Variants in NFIA observed in about 807,000 individuals in gnomAD.
The protein encoded by NFIA is nuclear factor I A.
Under a neutral mutation model 62.8 loss-of-function variants are expected in NFIA, and 8 were observed. The observed-to-expected ratio is 0.13, with a 90% CI of 0.07 to 0.23. The LOEUF (loss-of-function observed/expected upper bound fraction) is 0.23, where lower values mean the gene tolerates loss of function less well. Among genes scored for constraint, NFIA ranks in the 10% least tolerant of loss-of-function variants. The pLI, the probability that NFIA is intolerant of heterozygous loss-of-function variation, is 1.00. For missense variants in NFIA, 410 were observed against 642.1 expected (o/e 0.64, Z 3.91); for synonymous variants, 235 against 238.1 (o/e 0.99, Z 0.12).
intron 2 of NFIA, among the ~76,000 whole-genome samples, chr1:61,200,804 T>C (rs1395456871): frequency 1.3e-5 from 2 of 152,146 alleles, no homozygotes; most frequent in African/African-American, 4.8e-5. Flanking sequence ...ATTTTAACAA[T>C]GTGTATAATG....
upstream of NFIA, chr1:61,077,487 C>A: frequency 1.3e-6 from 1 of 785,606 alleles, no homozygotes; most frequent in Non-Finnish European, 1.8e-6. Context: ...TGGCCAACAG[C>A]TTTTTAAAAA....
chr1:61,435,884 A>T (rs977519275), intron 10 of NFIA, among the ~76,000 whole-genome samples: 1 of 152,162 alleles, frequency 6.6e-6, no homozygotes, highest in Admixed American at 6.5e-5. Context: ...CAGTAGTTGC[A>T]CTTGACCCTC....
At chr1:61,212,359 G>A (rs1211183779) in intron 2 of NFIA, among the ~76,000 whole-genome samples, 1 of 152,066 alleles carries the variant, frequency 6.6e-6, no homozygotes, top group African/African-American at 2.4e-5. Context: ...AATCTATAAG[G>A]ATATTTTAGA....
At chr1:61,334,555 G>GTGTGTGTGTGTGTGTA (rs1470465999) in intron 4 of NFIA, among the ~76,000 whole-genome samples, 1 of 97,500 alleles carries the variant, frequency 1.0e-5, no homozygotes, top group Non-Finnish European at 2.1e-5. Context: ...GTGTGTGTGT[G>GTGTGTGTGTGTGTGTA]TATATATATA....
intron 6 of NFIA, among the ~76,000 whole-genome samples, chr1:61,363,783 A>G (rs1663434743): frequency 6.6e-6 from 1 of 152,092 alleles, no homozygotes. Flanking sequence ...AACAAAGTAA[A>G]CTATCGTTTT....
intron 10 of NFIA, among the ~76,000 whole-genome samples, chr1:61,442,771 T>A (rs150945881): frequency 1.3e-5 from 2 of 152,220 alleles, no homozygotes; most frequent in Non-Finnish European, 2.9e-5. Context: ...TTATCTCTTA[T>A]GCAAATTATC....
At chr1:61,085,703 A>G (rs1354897306) in intron 1 of NFIA, among the ~76,000 whole-genome samples, 2 of 152,124 alleles carry the variant, frequency 1.3e-5, no homozygotes, top group Non-Finnish European at 2.9e-5. Flanking sequence ...CAATACTTTA[A>G]TTGTGCATAT....
intron 2 of NFIA, among the ~76,000 whole-genome samples, chr1:61,137,590 T>C (rs899159353): frequency 2.6e-5 from 4 of 152,212 alleles, no homozygotes; most frequent in African/African-American, 7.2e-5. Context: ...GCTTTCAGAC[T>C]CTGGTTCTCA....
intron 10 of NFIA, among the ~76,000 whole-genome samples, chr1:61,449,958 T>C (rs976796381): frequency 3.9e-5 from 6 of 152,210 alleles, no homozygotes; most frequent in African/African-American, 9.6e-5. Flanking sequence ...GGACAGGGAC[T>C]GGCTTGCTTG....
intron 9 of NFIA, among the ~76,000 whole-genome samples, chr1:61,408,342 G>A (rs906222512): frequency 6.6e-6 from 1 of 152,182 alleles, no homozygotes; most frequent in Admixed American, 6.5e-5. Context: ...TTTGAGGCTT[G>A]TTCAAAGATG....
At chr1:61,296,058 T>G (rs1421922094) in intron 3 of NFIA, among the ~76,000 whole-genome samples, 1 of 152,208 alleles carries the variant, frequency 6.6e-6, no homozygotes, top group East Asian at 1.9e-4. Flanking sequence ...CTGAAAGGTG[T>G]CTTTCTGTGT....
At chr1:61,311,940 C>T (rs1384061625) in intron 3 of NFIA, among the ~76,000 whole-genome samples, 1 of 152,182 alleles carries the variant, frequency 6.6e-6, no homozygotes, top group Non-Finnish European at 1.5e-5. Context: ...TTTGGAATCA[C>T]CTTTGCAGTC....
At chr1:61,408,106 A>G (rs906164320) in intron 9 of NFIA, among the ~76,000 whole-genome samples, 8 of 152,334 alleles carry the variant, frequency 5.3e-5, no homozygotes, top group Middle Eastern at 3.4e-3. Context: ...CATTTTGATA[A>G]TATATGCAGA....
chr1:61,222,429 A>G (rs904968007), intron 2 of NFIA, among the ~76,000 whole-genome samples: 1 of 152,056 alleles, frequency 6.6e-6, no homozygotes, highest in Non-Finnish European at 1.5e-5. Flanking sequence ...TCATTCTTGA[A>G]TCATCTGTTA....
intron 2 of NFIA, among the ~76,000 whole-genome samples, chr1:61,164,427 T>A (rs1649426359): frequency 6.6e-6 from 1 of 151,962 alleles, no homozygotes. Context: ...TGTCTCAAGC[T>A]TTCTTTTTTT....
Position 61,359,292 on chromosome 1 carries a change from A to G in NFIA, c.946+18A>G. The stretch of plus-strand genomic sequence containing the variant: ...GGAGCCAGGTAAGCAGAGTGGCGGC[A>G]CGGGCATGTGGCTAACACTGTGAAA... On this transcript the variant is annotated intron_variant, in intron 6 of 10. Transcript: ENST00000403491. 1 of 1,612,108 alleles carries G rather than the reference A, an allele frequency of 6.2e-7. No homozygotes were observed. The highest frequency in any genetic ancestry group is 8.5e-7 in the Non-Finnish European group (1 of 1,179,916).
chr1:61,326,678 G>C (rs988670847), intron 3 of NFIA, among the ~76,000 whole-genome samples: 5 of 152,150 alleles, frequency 3.3e-5, no homozygotes, highest in South Asian at 4.1e-4. Flanking sequence ...GAAATATAGA[G>C]TATAACTGGT....
intron 2 of NFIA, among the ~76,000 whole-genome samples, chr1:61,254,414 A>G (rs1656243166): frequency 6.6e-6 from 1 of 152,242 alleles, no homozygotes; most frequent in Non-Finnish European, 1.5e-5. Flanking sequence ...GATCCAGTAA[A>G]TGATAGAGCA....
chr1:61,129,648 C>T (rs1647039867), intron 2 of NFIA, among the ~76,000 whole-genome samples: 1 of 151,754 alleles, frequency 6.6e-6, no homozygotes, highest in Non-Finnish European at 1.5e-5. Flanking sequence ...GGGGTTTCAG[C>T]ATGTTGGCCA....
Sources: allele counts gnomAD v4.1 joint callset (sites outside exome capture counted in the v4.1 genomes callset), GRCh38; gene constraint gnomAD v4.1.1; transcripts MANE v1.5; gene names NCBI Gene and HGNC (gene_info 2026-07-23, HGNC 2026-07-21).